PAMR1: variants seen among roughly 807,000 people sequenced by gnomAD.
PAMR1 encodes peptidase domain containing associated with muscle regeneration 1, also known as inactive serine protease PAMR1.
A neutral mutation model predicts 81.8 loss-of-function variants in PAMR1; 88 were observed. The ratio of observed to expected loss-of-function variants is 1.08; its 90% CI spans 0.91 to 1.28. The LOEUF (loss-of-function observed/expected upper bound fraction) is 1.28, where lower values mean the gene tolerates loss of function less well. Among genes scored for constraint, PAMR1 ranks in the 50% most tolerant of loss-of-function variants. The probability of loss-of-function intolerance (pLI) is 0.00; values close to 1 mark genes in which losing one functional copy is unlikely to be tolerated. For missense variants in PAMR1, 935 were observed against 919.7 expected (o/e 1.02, Z -0.21); for synonymous variants, 336 against 345.3 (o/e 0.97, Z 0.30).
chr11:35,470,545 G>A (rs1856833645), intron 5 of PAMR1, 56 bp downstream of exon 5: 1 of 1,283,130 alleles, frequency 7.8e-7, no homozygotes. Context: ...ACATGGAAAG[G>A]AGATATTTAT....
intron 9 of PAMR1, 29 bp downstream of exon 9, chr11:35,435,874 C>T (rs768610282): frequency 6.5e-7 from 1 of 1,539,294 alleles, no homozygotes; most frequent in Non-Finnish European, 9.0e-7. Context: ...ATTGAGCATG[C>T]TCAAGCCCAA....
chr11:35,436,347 C>T (rs551651221), intron 8 of PAMR1: 16 of 501,586 alleles, frequency 3.2e-5, no homozygotes, highest in East Asian at 9.5e-5. Flanking sequence ...TGTAGTGATG[C>T]GATCTTGGCT....
intron 2 of PAMR1, among the ~76,000 whole-genome samples, chr11:35,492,865 G>T (rs1015761259): frequency 2.0e-5 from 3 of 152,188 alleles, no homozygotes; most frequent in African/African-American, 7.2e-5. Context: ...GGAGAGGGGG[G>T]TCGTGAGAAA....
At chr11:35,506,311 A>T (rs1172961003) in intron 1 of PAMR1, among the ~76,000 whole-genome samples, 1 of 151,980 alleles carries the variant, frequency 6.6e-6, no homozygotes, top group East Asian at 1.9e-4. Context: ...TGAGTGAATG[A>T]CCCACCACAA....
At chr11:35,466,984 C>T (rs370870852) in intron 6 of PAMR1, among the ~76,000 whole-genome samples, 2 of 152,184 alleles carry the variant, frequency 1.3e-5, no homozygotes, top group Admixed American at 6.5e-5. Flanking sequence ...TTTCAGGGAA[C>T]TGCTCAGGGG....
intron 6 of PAMR1, among the ~76,000 whole-genome samples, chr11:35,452,531 G>A (rs910962393): frequency 2.6e-5 from 4 of 152,150 alleles, no homozygotes; most frequent in African/African-American, 7.2e-5. Flanking sequence ...AGCTAAATAT[G>A]AAGCAGCCAA....
chr11:35,494,167 T>A lies in PAMR1; in HGVS notation c.179A>T (p.Glu60Val). Residue 60 changes from glutamate to valine, a missense_variant, in exon 2 of 11, where the codon GAA becomes GTA. By Grantham distance (121) the Glu-to-Val change is moderately radical. Coordinates refer to ENST00000619888, the MANE Select transcript of PAMR1 (RefSeq NM_001001991.3). ...GCAAGGGATGGTATAACCCACGACT[T>A]CCCTCTTTCCGGGGCAGACGCACTC... ...QIECVCPGKR[E>V]VVGYTIPCCR... The A allele has an allele frequency of 6.2e-7, 1 of 1,613,978 alleles. No individual in the cohort carries two copies. The highest frequency in any genetic ancestry group is 1.1e-5 in the South Asian group (1 of 91,076).
intron 1 of PAMR1, among the ~76,000 whole-genome samples, chr11:35,518,477 C>T (rs759944870): frequency 3.3e-5 from 5 of 151,514 alleles, no homozygotes; most frequent in African/African-American, 4.8e-5. Flanking sequence ...TTATGCCTTA[C>T]GGGTGAGAGA....
At chr11:35,510,852 T>C (rs1357287396) in intron 1 of PAMR1, among the ~76,000 whole-genome samples, 1 of 152,196 alleles carries the variant, frequency 6.6e-6, no homozygotes, top group African/African-American at 2.4e-5. Context: ...TAAAAAAATA[T>C]TAAGACAGTT....
At chr11:35,480,666 A>G (rs1451110762) in intron 3 of PAMR1, among the ~76,000 whole-genome samples, 1 of 152,130 alleles carries the variant, frequency 6.6e-6, no homozygotes, top group Non-Finnish European at 1.5e-5. Context: ...AATACTTTTC[A>G]AATCTCTCCT....
At chr11:35,525,856 A>G, upstream of PAMR1, 1 of 539,594 alleles carries the variant, frequency 1.9e-6, no homozygotes, top group Non-Finnish European at 3.3e-6. Flanking sequence ...GCGGCTGCAA[A>G]GGAAGCTGCG....
In PAMR1 at chr11:35,439,644, C is replaced by T. The variant is rs893032606; in HGVS notation, c.1083G>A (p.Pro361=). Residue 361 remains proline (P), a synonymous_variant, in exon 8 of 11, where the codon CCG becomes CCA. Coordinates refer to ENST00000619888, the MANE Select transcript of PAMR1 (RefSeq NM_001001991.3). ...GACCTCACCTTGACTGAACCTGCATCGGAAGAACTCTCCTTCTCACCAGGT... is the reference window on the plus strand; with the variant it reads ...GACCTCACCTTGACTGAACCTGCATTGGAAGAACTCTCCTTCTCACCAGGT... ...ISDLVRRRVL[P]MQVQSRETPL... is the part of the protein sequence containing the mutation. The T allele has an allele frequency of 1.2e-5, 20 of 1,613,802 alleles. No individual in the cohort carries two copies. The highest frequency in any genetic ancestry group is 3.3e-4 in the Middle Eastern group (2 of 6,084).
chr11:35,513,785 C>T (rs576568177), intron 1 of PAMR1, among the ~76,000 whole-genome samples: 1 of 152,330 alleles, frequency 6.6e-6, no homozygotes, highest in Non-Finnish European at 1.5e-5. Context: ...AGTCTTATTC[C>T]TGGACCACAG....
chr11:35,492,594 A>G (rs1169892670), intron 2 of PAMR1, among the ~76,000 whole-genome samples: 1 of 152,252 alleles, frequency 6.6e-6, no homozygotes, highest in Non-Finnish European at 1.5e-5. Flanking sequence ...TTCTCTGCCT[A>G]TATACACATA....
chr11:35,478,858 C>G (rs200272809), intron 3 of PAMR1, among the ~76,000 whole-genome samples: 5 of 149,338 alleles, frequency 3.3e-5, no homozygotes, highest in African/African-American at 9.9e-5. Context: ...GTGTGTGTGT[C>G]TGTGTGTGTG....
At position 35,510,425 on chromosome 11, in the gene PAMR1, TTC is replaced by T. The variant is rs1321925515; in HGVS notation, c.73+15086_73+15087del. Among the ~76,000 whole-genome samples, 3 of 152,242 alleles carry T rather than the reference TTC, an allele frequency of 2.0e-5. No individual in the cohort carries two copies. The East Asian group carries it at 5.8e-4, about 29-fold the overall frequency. ...CAGAGTGGTTTTACTGCCCTAAGAA[TTC>T]TCTGTTCTCTGCCTATTCATCCCTG... On this transcript the variant is annotated intron_variant, in intron 1 of 10. Coordinates refer to ENST00000619888, the MANE Select transcript of PAMR1 (RefSeq NM_001001991.3).
At chr11:35,487,915 G>T (rs755654174) in intron 3 of PAMR1, among the ~76,000 whole-genome samples, 2 of 152,162 alleles carry the variant, frequency 1.3e-5, no homozygotes, top group Non-Finnish European at 2.9e-5. Context: ...ACAAGACATG[G>T]CACATAAAGT....
At position 35,468,040 on chromosome 11, in the gene PAMR1, C is replaced by A. The variant is rs1465024866; in HGVS notation, c.781G>T (p.Ala261Ser). ...TGCCCAGTATAGCCTGCCAAGCAGG[C>A]ACACTTGTAAGATCCAGCCTTGTCA... is the stretch of plus-strand genomic sequence containing the variant. ...VLDKAGSYKC[A>S]CLAGYTGQRC... is the part of the protein sequence containing the mutation. The change falls in exon 6 of 11, where the codon GCC (alanine) becomes TCC (serine). Residue 261 changes from alanine to serine, a missense_variant. Physicochemically the swap from Ala to Ser is moderately conservative, Grantham distance 99. Coordinates refer to ENST00000619888, the MANE Select transcript of PAMR1 (RefSeq NM_001001991.3). 1.3e-6 allele frequency: 2 copies of A among 1,562,894 alleles called. No homozygotes were observed. Among genetic ancestry groups the A allele is most frequent in the East Asian group, 4.7e-5 (2 of 42,578 alleles).
At chr11:35,435,804 G>T in intron 9 of PAMR1, 99 bp downstream of exon 9, 1 of 835,902 alleles carries the variant, frequency 1.2e-6, no homozygotes. Context: ...ACTAGAGAAA[G>T]CACTGGAGAT....
Sources: gnomAD v4.1 joint callset for allele counts (sites outside exome capture counted in the v4.1 genomes callset) on GRCh38, gnomAD v4.1.1 for gene constraint, MANE v1.5 for transcripts, NCBI Gene and HGNC (gene_info 2026-07-23, HGNC 2026-07-21) for gene names.